MYSM1: variants seen among roughly 807,000 people sequenced by gnomAD.
MYSM1 encodes the protein deubiquitinase MYSM1.
MYSM1 carries 51 observed loss-of-function variants against 116.0 expected under a neutral mutation model. The observed-to-expected ratio is 0.44, with a 90% confidence interval of 0.35 to 0.56. The LOEUF is 0.56. Among genes scored for constraint, MYSM1 ranks in the 20% least tolerant of loss-of-function variants. The probability of loss-of-function intolerance (pLI) is 0.00; values close to 1 mark genes in which losing one functional copy is unlikely to be tolerated. For missense variants in MYSM1, 900 were observed against 974.9 expected, an observed-to-expected ratio of 0.92 and a Z score of 1.02; for synonymous variants, 313 against 315.2, an observed-to-expected ratio of 0.99 and a Z score of 0.07.
rs562138057 is a variant in MYSM1 at position 58,675,334 on chromosome 1, C to T, written c.1494+143G>A. The T allele has an allele frequency of 5.9e-4, 349 of 592,416 alleles. 2 individuals are homozygous for T. The highest frequency in any genetic ancestry group is 4.3e-3 in the African/African-American group (235 of 54,232). The allele number at this position is 592,416 out of a possible 1,614,324, so 36.7% of individuals were successfully genotyped here. A position where few individuals can be genotyped will look rare whatever the true frequency, so the allele number is the denominator to read the frequency against. On this transcript the variant is annotated intron_variant, in intron 10 of 19. Coordinates refer to ENST00000472487, the MANE Select transcript of MYSM1 (RefSeq NM_001085487.3). Reference sequence around the variant, plus strand: ...TGAAATTGAATGAAACCCAGAAAAGCGAATTGCTAAGGTGAAACACAAGAG... The same window carrying T: ...TGAAATTGAATGAAACCCAGAAAAGTGAATTGCTAAGGTGAAACACAAGAG...
Position 58,660,067 on chromosome 1 carries a change from A to G in MYSM1, c.2417T>C (p.Leu806Pro). The change falls in exon 20 of 20, where the codon CTT becomes CCT. Residue 806 changes from leucine to proline, a missense_variant. By Grantham distance (98) the Leu-to-Pro change is moderately conservative. Coordinates refer to ENST00000472487, the MANE Select transcript of MYSM1 (RefSeq NM_001085487.3). ...EFLTEIENLF[L>P]SNYKSNQENG... ...CTCTTGGTTGCTTTTATAATTGGAA[A>G]GGAACAAATTTTCTATTTCAGTCAA... 6.2e-7 allele frequency: 1 copy of G among 1,611,212 alleles called. No individual in the cohort carries two copies.
chr1:58,675,914 C>T (rs1644643315), intron 9 of MYSM1, among the ~76,000 whole-genome samples: 1 of 152,070 alleles, frequency 6.6e-6, no homozygotes, highest in Non-Finnish European at 1.5e-5. Context: ...TTTGGGAAAA[C>T]AAAGACACTG....
At chr1:58,698,102 A>ATATTTTTTTTTTT in intron 1 of MYSM1, among the ~76,000 whole-genome samples, 90 of 7,764 alleles carry the variant, frequency 0.012, 6 homozygotes, top group African/African-American at 0.022. Flanking sequence ...ATATATATAT[A>ATATTTTTTTTTTT]TTTTTTTTTT....
intron 3 of MYSM1, among the ~76,000 whole-genome samples, chr1:58,691,222 G>A (rs541046803): frequency 1.3e-5 from 2 of 152,034 alleles, no homozygotes; most frequent in South Asian, 4.2e-4. Context: ...GGAGCTTGCA[G>A]TGAGCCAAGT....
intron 8 of MYSM1, among the ~76,000 whole-genome samples, chr1:58,679,355 T>C (rs1215482371): frequency 6.6e-6 from 1 of 152,234 alleles, no homozygotes; most frequent in Non-Finnish European, 1.5e-5. Flanking sequence ...ACTATTGCCA[T>C]GTAATTTATA....
In MYSM1 at chr1:58,675,607, C is replaced by T. The variant is rs769846341; in HGVS notation, c.1391-27G>A. On this transcript the variant is annotated intron_variant, in intron 9 of 19. Transcript: ENST00000472487. ...TATTGGAATTCAGGAAAGATAAAAC[C>T]ATCTATTATTTTGTGAAACTCATTT... The T allele has an allele frequency of 3.2e-6, 5 of 1,571,138 alleles. No individual in the cohort carries two copies. The Admixed American group carries it at 6.9e-5, about 22-fold the overall frequency.
In MYSM1 at chr1:58,699,850, G is replaced by C. The variant is rs1168973175; in HGVS notation, c.68+135C>G. 2.8e-6 allele frequency: 4 copies of C among 1,447,388 alleles called. No homozygotes were observed. The African/African-American group carries it at 5.7e-5, about 21-fold the overall frequency. The allele number at this position is 1,447,388 out of a possible 1,614,324, so 89.7% of individuals were successfully genotyped here. A position where few individuals can be genotyped will look rare whatever the true frequency, so the allele number is the denominator to read the frequency against. On this transcript the variant is annotated intron_variant, in intron 1 of 19. Coordinates refer to ENST00000472487, the MANE Select transcript of MYSM1 (RefSeq NM_001085487.3). ...AAGCCGGCGGGCGAGGTGCCTCCCA[G>C]GCCAACAAGAGACCCTGGCCCAGGG...
Position 58,682,078 on chromosome 1 carries a change from G to T in MYSM1, c.966C>A (p.Asn322Lys). The change falls in exon 8 of 20, where the codon AAC becomes AAA. Residue 322 changes from asparagine to lysine, a missense_variant. Coordinates refer to ENST00000472487, the MANE Select transcript of MYSM1 (RefSeq NM_001085487.3). Reference protein sequence around the residue: ...NDQKFNELIKNCNKHDGRGII... With the variant: ...NDQKFNELIKKCNKHDGRGII... ...TTCCCCTTCCATCATGCTTGTTGCA[G>T]TTTTTAATCAATTCATTAAATTTCT... 6.2e-7 allele frequency: 1 copy of T among 1,614,078 alleles called. No individual in the cohort carries two copies. Among genetic ancestry groups the T allele is most frequent in the Non-Finnish European group, 8.5e-7 (1 of 1,180,006 alleles).
At chr1:58,679,785 T>A (rs2100642473) in intron 8 of MYSM1, among the ~76,000 whole-genome samples, 1 of 152,186 alleles carries the variant, frequency 6.6e-6, no homozygotes, top group South Asian at 2.1e-4. Flanking sequence ...CCCAGAACTT[T>A]GGGTGGCCGA....
chr1:58,698,102 A>ATATATATATATATATATATATTTTT, intron 1 of MYSM1, among the ~76,000 whole-genome samples: 1 of 7,770 alleles, frequency 1.3e-4, no homozygotes, highest in Admixed American at 2.1e-3. Context: ...ATATATATAT[A>ATATATATATATATATATATATTTTT]TTTTTTTTTT....
At chr1:58,661,920 A>T (rs1184571430) in intron 17 of MYSM1, among the ~76,000 whole-genome samples, 5 of 151,714 alleles carry the variant, frequency 3.3e-5, no homozygotes, top group South Asian at 2.1e-4. Context: ...GATAATTAAA[A>T]ATATATATAT....
At position 58,676,308 on chromosome 1, in the gene MYSM1, C is replaced by T. The variant is rs182847616; in HGVS notation, c.1390+618G>A. On this transcript the variant is annotated intron_variant, in intron 9 of 19. Coordinates refer to ENST00000472487, the MANE Select transcript of MYSM1 (RefSeq NM_001085487.3). Reference sequence around the variant, plus strand: ...GCATGCGCCTGTAGTCCCAGCTACTCTGGAGACCGAAGCAAAAGAATCGCT... The same window carrying T: ...GCATGCGCCTGTAGTCCCAGCTACTTTGGAGACCGAAGCAAAAGAATCGCT... Among the ~76,000 whole-genome samples the T allele has an allele frequency of 1.1e-4, 16 of 151,176 alleles. No homozygotes were observed. The East Asian group carries it at 3.1e-3, about 30-fold the overall frequency.
At chr1:58,664,079 A>G (rs865808371) in intron 17 of MYSM1, among the ~76,000 whole-genome samples, 26 of 152,286 alleles carry the variant, frequency 1.7e-4, no homozygotes, top group African/African-American at 6.3e-4. Flanking sequence ...TCCATGAACT[A>G]AATTTTAAAT....
intron 3 of MYSM1, among the ~76,000 whole-genome samples, chr1:58,691,726 G>A (rs1256552502): frequency 2.0e-5 from 3 of 152,092 alleles, no homozygotes; most frequent in Admixed American, 6.6e-5. Flanking sequence ...AATCAGCCAG[G>A]TGTGGTGGTG....
intron 17 of MYSM1, among the ~76,000 whole-genome samples, chr1:58,662,038 T>G (rs1345307198): frequency 6.6e-6 from 1 of 151,896 alleles, no homozygotes; most frequent in Non-Finnish European, 1.5e-5. Flanking sequence ...GCTAGCAAAG[T>G]GGCAGGACAC....
chr1:58,668,498 T>C, intron 14 of MYSM1, 134 bp downstream of exon 14: 1 of 1,368,804 alleles, frequency 7.3e-7, no homozygotes. Context: ...AAAAGACTTA[T>C]TTTTAGATTC....
chr1:58,681,948 T>C lies in MYSM1; in HGVS notation c.1096A>G (p.Ser366Gly), dbSNP rs1473350539. The change falls in exon 8 of 20, where the codon AGC (serine) becomes GGC (glycine). Residue 366 changes from serine to glycine, a missense_variant. Physicochemically the swap from Ser to Gly is moderately conservative, Grantham distance 56. This residue lies in a region of MYSM1 where 622 missense variants were observed against 623.7 expected (regional missense o/e 1.00). Coordinates refer to ENST00000472487, the MANE Select transcript of MYSM1 (RefSeq NM_001085487.3). ...GGCTTAAGCTCTTCTTCCTCATGGC[T>C]TTCCTCTACCATTTGGCAAGAATGA... Reference protein sequence around the residue: ...LFHSCQMVEESHEEEELKPPE... With the variant: ...LFHSCQMVEEGHEEEELKPPE... The C allele has an allele frequency of 3.7e-6, 6 of 1,614,148 alleles. No individual in the cohort carries two copies. Among genetic ancestry groups the C allele is most frequent in the Non-Finnish European group, 5.1e-6 (6 of 1,180,014 alleles).
At chr1:58,698,100 A>ATTTTTTTTTTTTTTTTTTTT (rs1446935480) in intron 1 of MYSM1, among the ~76,000 whole-genome samples, 1 of 4,964 alleles carries the variant, frequency 2.0e-4, no homozygotes, top group Admixed American at 4.0e-3. Context: ...ATATATATAT[A>ATTTTTTTTTTTTTTTTTTTT]TATTTTTTTT....
intron 10 of MYSM1, among the ~76,000 whole-genome samples, chr1:58,674,694 G>T (rs555087793): frequency 1.3e-5 from 2 of 152,072 alleles, no homozygotes; most frequent in African/African-American, 4.8e-5. Context: ...GGGAGGCCAA[G>T]GCGGGCGGAT....
Sources: allele counts gnomAD v4.1 joint callset (sites outside exome capture counted in the v4.1 genomes callset), GRCh38; gene constraint gnomAD v4.1.1; regional missense constraint gnomAD v4.1.1; transcripts MANE v1.5; gene names NCBI Gene and HGNC (gene_info 2026-07-23, HGNC 2026-07-21).